PHLDB2: variants seen among roughly 807,000 people sequenced by gnomAD.
PHLDB2 encodes the protein pleckstrin homology like domain family B member 2.
PHLDB2 carries 71 observed loss-of-function variants against 123.6 expected under a neutral mutation model. The ratio of observed to expected loss-of-function variants is 0.57; its 90% CI spans 0.47 to 0.70. The LOEUF (loss-of-function observed/expected upper bound fraction) is 0.70. Ranked by LOEUF, PHLDB2 falls within the 30% of genes least tolerant of loss-of-function variation. PHLDB2 has a pLI of 0.00. For synonymous variants in PHLDB2, 547 were observed against 541.6 expected (o/e 1.01, Z -0.14); for missense variants, 1,446 against 1,519.5 (o/e 0.95, Z 0.80).
upstream of PHLDB2, chr3:111,859,039 C>T (rs1278009442): frequency 3.7e-6 from 1 of 267,744 alleles, no homozygotes; most frequent in African/African-American, 2.3e-5. Flanking sequence ...AGTTTAAAAC[C>T]CTCCTGACCC....
At chr3:111,804,681 T>C (rs1559840092) in intron 1 of PHLDB2, among the ~76,000 whole-genome samples, 1 of 152,222 alleles carries the variant, frequency 6.6e-6, no homozygotes, top group Non-Finnish European at 1.5e-5. Flanking sequence ...TTTCATTTCT[T>C]ATTTAAAATT....
chr3:111,909,787 A>T (rs1295837844), intron 2 of PHLDB2, among the ~76,000 whole-genome samples: 1 of 152,180 alleles, frequency 6.6e-6, no homozygotes, highest in Non-Finnish European at 1.5e-5. Context: ...AAAAAAAAAA[A>T]AAATCCCATT....
intron 5 of PHLDB2, among the ~76,000 whole-genome samples, chr3:111,931,354 T>C (rs1204050197): frequency 6.6e-6 from 1 of 152,248 alleles, no homozygotes; most frequent in African/African-American, 2.4e-5. Flanking sequence ...GAAGTTTTGT[T>C]TCTTAATTTA....
chr3:111,771,031 C>T (rs1382782076), intron 1 of PHLDB2, among the ~76,000 whole-genome samples: 1 of 152,206 alleles, frequency 6.6e-6, no homozygotes, highest in Non-Finnish European at 1.5e-5. Context: ...CACCATTGTG[C>T]AGCTGCCCCT....
intron 1 of PHLDB2, among the ~76,000 whole-genome samples, chr3:111,829,005 G>A (rs12491776): frequency 0.13 from 19,457 of 152,144 alleles, 2,221 homozygotes; most frequent in African/African-American, 0.29. Flanking sequence ...ACGCTTGTTA[G>A]ATCAAAAGGA....
intron 5 of PHLDB2, among the ~76,000 whole-genome samples, chr3:111,924,363 C>T (rs1381771536): frequency 6.6e-6 from 1 of 152,250 alleles, no homozygotes; most frequent in Non-Finnish European, 1.5e-5. Context: ...CACTGTTTAT[C>T]CAGCCCGTAG....
chr3:111,792,493 C>T (rs748105724), intron 1 of PHLDB2, among the ~76,000 whole-genome samples: 15 of 152,164 alleles, frequency 9.9e-5, no homozygotes, highest in Non-Finnish European at 1.8e-4. Flanking sequence ...ATCGCTTGAG[C>T]CCAGAAGTTC....
chr3:111,973,959 G>A (rs907114597), intron 17 of PHLDB2, 142 bp downstream of exon 17: 6 of 508,510 alleles, frequency 1.2e-5, no homozygotes, highest in African/African-American at 1.2e-4. Flanking sequence ...AAGTAAACAT[G>A]AAGTAAGTGG....
intron 2 of PHLDB2, among the ~76,000 whole-genome samples, chr3:111,850,309 G>C (rs1410689549): frequency 6.6e-6 from 1 of 152,120 alleles, no homozygotes; most frequent in Non-Finnish European, 1.5e-5. Flanking sequence ...GAAGGTGAGG[G>C]GGGCAGGGCT....
At chr3:111,759,799 A>C (rs1207685508) in intron 1 of PHLDB2, among the ~76,000 whole-genome samples, 1 of 152,260 alleles carries the variant, frequency 6.6e-6, no homozygotes, top group Non-Finnish European at 1.5e-5. Context: ...AGATGACGTC[A>C]GATTTTGGAT....
At chr3:111,753,115 G>C (rs1378958751) in intron 1 of PHLDB2, among the ~76,000 whole-genome samples, 2 of 151,948 alleles carry the variant, frequency 1.3e-5, no homozygotes, top group African/African-American at 4.8e-5. Context: ...ACGTATGTGT[G>C]CATGTGTCTT....
chr3:111,948,826 TG>T (rs2070500522), intron 9 of PHLDB2, 105 bp from the exon 10 acceptor site: 1 of 998,328 alleles, frequency 1.0e-6, no homozygotes, highest in Admixed American at 2.0e-5. Flanking sequence ...CACAGATATC[TG>T]GCTGTGCCGC....
At chr3:111,898,581 G>A (rs1226503249) in intron 2 of PHLDB2, among the ~76,000 whole-genome samples, 1 of 152,164 alleles carries the variant, frequency 6.6e-6, no homozygotes, top group Non-Finnish European at 1.5e-5. Flanking sequence ...CTGTTTGGTT[G>A]CGCTTTACCC....
chr3:111,819,762 T>C (rs983153638), intron 1 of PHLDB2, among the ~76,000 whole-genome samples: 7 of 152,226 alleles, frequency 4.6e-5, no homozygotes, highest in African/African-American at 1.7e-4. Context: ...TATTTGTCCT[T>C]TAGAATATAC....
chr3:111,806,968 G>C (rs2061616314), intron 1 of PHLDB2, among the ~76,000 whole-genome samples: 1 of 151,760 alleles, frequency 6.6e-6, no homozygotes, highest in Admixed American at 6.6e-5. Flanking sequence ...AGAAGTTCTA[G>C]TTATGGGACT....
chr3:111,973,585 C>T lies in PHLDB2; in HGVS notation c.3536-147C>T, dbSNP rs1187137828. ...ATTTTTCCAGTATAGATAGAAGGGG[C>T]CTCATGCACTAGCCCAAGTTCTCTG... On this transcript the variant is annotated intron_variant, in intron 16 of 17. Transcript: ENST00000431670. 6 of 446,024 alleles carry T rather than the reference C, an allele frequency of 1.3e-5. No individual in the cohort carries two copies. The East Asian group carries it at 2.1e-4, about 15-fold the overall frequency. 27.6% of individuals were successfully genotyped at this position (446,024 alleles called of 1,614,324 possible). A position where few individuals can be genotyped will look rare whatever the true frequency, so the allele number is the denominator to read the frequency against.
chr3:111,969,513 A>G (rs996828940), intron 15 of PHLDB2, among the ~76,000 whole-genome samples, 177 bp from the exon 16 acceptor site: 2 of 152,254 alleles, frequency 1.3e-5, no homozygotes, highest in Admixed American at 6.5e-5. Context: ...ATCTTTCTGA[A>G]AATACTATCC....
At chr3:111,967,892 T>G in intron 15 of PHLDB2, 68 bp downstream of exon 15, 1 of 1,413,896 alleles carries the variant, frequency 7.1e-7, no homozygotes, top group African/African-American at 1.5e-5. Context: ...AAGACAGCTG[T>G]TCTGTGTCTG....
At chr3:111,744,717 C>T (rs2059655278) in intron 1 of PHLDB2, among the ~76,000 whole-genome samples, 1 of 152,156 alleles carries the variant, frequency 6.6e-6, no homozygotes, top group Admixed American at 6.6e-5. Flanking sequence ...GCTGTGTGAA[C>T]TTGGGCAAGT....
Sources: allele counts gnomAD v4.1 joint callset (sites outside exome capture counted in the v4.1 genomes callset), GRCh38; gene constraint gnomAD v4.1.1; transcripts MANE v1.5; gene names NCBI Gene and HGNC (gene_info 2026-07-23, HGNC 2026-07-21).